Variants in NHSL1 observed in about 807,000 individuals in gnomAD.
NHSL1 encodes NHS like 1, also known as NHS-like protein 1.
NHSL1 carries 48 observed loss-of-function variants against 95.0 expected under a neutral mutation model. The observed-to-expected ratio is 0.51, with a 90% CI of 0.40 to 0.64. The LOEUF is 0.64. Among genes scored for constraint, NHSL1 ranks in the 30% least tolerant of loss-of-function variants. The pLI is 0.00. For missense variants in NHSL1, 1,971 were observed against 2,077.7 expected, an observed-to-expected ratio of 0.95 and a Z score of 1.00; for synonymous variants, 783 against 833.9, an observed-to-expected ratio of 0.94 and a Z score of 1.05.
rs370888768 is a variant in NHSL1, at chr6:138,670,665, CAAAAAAAA to C, written c.96+21803_96+21810del. Among the ~76,000 whole-genome samples the C allele has an allele frequency of 7.5e-4, 52 of 69,362 alleles. 1 individual carries two copies. Among genetic ancestry groups the C allele is most frequent in the Middle Eastern group, 8.6e-3 (1 of 116 alleles). The allele number at this position is 69,362 out of a possible 152,430, so 45.5% of individuals were successfully genotyped here. ...TGGGCGACAAAGCGAGACTCCGTCT[CAAAAAAAA>C]AAAAAAAAAAAAACTTTAAAAACTC... On this transcript the variant is annotated intron_variant, in intron 1 of 3. Coordinates refer to the NHSL1 transcript ENST00000491526.
intron 1 of NHSL1, among the ~76,000 whole-genome samples, chr6:138,570,436 A>T (rs1172364436): frequency 2.0e-5 from 3 of 152,246 alleles, no homozygotes; most frequent in African/African-American, 7.2e-5. Flanking sequence ...GCCAGAAAGC[A>T]CAAATGCCTT....
intron 3 of NHSL1, chr6:138,464,168 C>A: frequency 1.6e-6 from 1 of 632,232 alleles, no homozygotes; most frequent in Non-Finnish European, 2.7e-6. Context: ...GGAAGCAGTA[C>A]AGTTATACCT....
intron 1 of NHSL1, chr6:138,512,293 G>T (rs552540405): frequency 2.2e-6 from 1 of 455,404 alleles, no homozygotes; most frequent in Non-Finnish European, 4.4e-6. Context: ...TGCACCCCAC[G>T]GGAAAGAGGA....
At chr6:138,473,859 T>C (rs1583253551) in intron 2 of NHSL1, among the ~76,000 whole-genome samples, 1 of 152,094 alleles carries the variant, frequency 6.6e-6, no homozygotes, top group African/African-American at 2.4e-5. Flanking sequence ...AAAAAAGTGA[T>C]GCTAATGCTA....
rs562961274 is a variant in NHSL1 at position 138,635,782 on chromosome 6, C to CA, written c.96+56693dup. 8.6e-5 allele frequency among the ~76,000 whole-genome samples: 13 copies of CA among 151,818 alleles called. No individual in the cohort carries two copies. The East Asian group carries it at 2.3e-3, about 27-fold the overall frequency. ...ACAATATCTCTGAAGAATATTGATGCAAAAATGCTAAATAAAATACTAGCA... is the reference window on the plus strand; with the variant it reads ...ACAATATCTCTGAAGAATATTGATGCAAAAAATGCTAAATAAAATACTAGCA... On this transcript the variant is annotated intron_variant, in intron 1 of 3. Coordinates refer to the NHSL1 transcript ENST00000491526.
At chr6:138,511,638 GA>G (rs1781235523) in intron 1 of NHSL1, among the ~76,000 whole-genome samples, 1 of 151,974 alleles carries the variant, frequency 6.6e-6, no homozygotes, top group African/African-American at 2.4e-5. Context: ...CTGGAACTAG[GA>G]AAAGAAAAAT....
intron 1 of NHSL1, among the ~76,000 whole-genome samples, chr6:138,505,914 A>G (rs1780940191): frequency 6.6e-6 from 1 of 152,200 alleles, no homozygotes; most frequent in Non-Finnish European, 1.5e-5. Flanking sequence ...AATCAAGTTT[A>G]ACATCTAGCA....
chr6:138,509,200 C>G (rs746199223), intron 1 of NHSL1, among the ~76,000 whole-genome samples: 9 of 152,142 alleles, frequency 5.9e-5, no homozygotes, highest in Non-Finnish European at 1.3e-4. Context: ...TTAACATAAT[C>G]ATACATTTAC....
chr6:138,558,124 T>G (rs184727100), intron 1 of NHSL1, among the ~76,000 whole-genome samples: 8 of 152,140 alleles, frequency 5.3e-5, no homozygotes, highest in South Asian at 2.1e-4. Flanking sequence ...CAGGGTTTTT[T>G]GGGGGGCTTT....
At chr6:138,477,749 G>A (rs747941735) in intron 2 of NHSL1, among the ~76,000 whole-genome samples, 10 of 152,112 alleles carry the variant, frequency 6.6e-5, no homozygotes, top group Non-Finnish European at 1.3e-4. Context: ...TCAAAAGGAC[G>A]TTTCCCTGGG....
intron 1 of NHSL1, among the ~76,000 whole-genome samples, chr6:138,670,369 G>A (rs1249507372): frequency 1.4e-5 from 2 of 139,754 alleles, no homozygotes; most frequent in Non-Finnish European, 3.0e-5. Flanking sequence ...ACCGTTGAAG[G>A]TAAAAAAAAA....
intron 1 of NHSL1, among the ~76,000 whole-genome samples, chr6:138,514,318 A>AAAACAAACAAACAAAC (rs59958557): frequency 4.0e-5 from 6 of 149,698 alleles, no homozygotes; most frequent in African/African-American, 9.9e-5. Context: ...ACTCCATCTC[A>AAAACAAACAAACAAAC]AAACAAACAA....
chr6:138,608,293 CCAA>C (rs1562390260), intron 1 of NHSL1, among the ~76,000 whole-genome samples: 2 of 152,164 alleles, frequency 1.3e-5, no homozygotes, highest in South Asian at 2.1e-4. Context: ...AAGTCAGTTT[CCAA>C]CGAGATAGCC....
Position 138,424,862 on chromosome 6 carries a change from AC to A in NHSL1, c.4086-47del. 1 of 1,478,178 alleles carries A rather than the reference AC, an allele frequency of 6.8e-7. No homozygotes were observed. The highest frequency in any genetic ancestry group is 9.1e-7 in the Non-Finnish European group (1 of 1,095,586). 91.6% of individuals were successfully genotyped at this position (1,478,178 alleles called of 1,614,324 possible). ...GAAAAAGGTTAATTCCCACGGGACC[AC>A]AGGCTGTCAGCCACAACCACTCTGC... On this transcript the variant is annotated intron_variant, in intron 7 of 7. Coordinates refer to ENST00000343505, the MANE Select transcript of NHSL1 (RefSeq NM_001144060.2). This position sits in a 1 kb window ranked among gnomAD's most constrained non-coding sequence, Gnocchi z 5.9.
At chr6:138,619,905 G>A (rs1784630873) in intron 1 of NHSL1, among the ~76,000 whole-genome samples, 1 of 140,628 alleles carries the variant, frequency 7.1e-6, no homozygotes, top group Non-Finnish European at 1.5e-5. Context: ...CTGAGATCGT[G>A]CCACTGCACT....
chr6:138,591,495 C>A (rs1583437950), intron 1 of NHSL1, among the ~76,000 whole-genome samples: 1 of 152,268 alleles, frequency 6.6e-6, no homozygotes, highest in Middle Eastern at 3.4e-3. Flanking sequence ...CAGCTCACTG[C>A]AGCCTCCACC....
At chr6:138,632,485 G>A (rs770388259) in intron 1 of NHSL1, among the ~76,000 whole-genome samples, 1 of 152,214 alleles carries the variant, frequency 6.6e-6, no homozygotes, top group Non-Finnish European at 1.5e-5. Context: ...AAGGGGTGCT[G>A]TGTCACTCCA....
chr6:138,431,777 C>A lies in NHSL1; in HGVS notation c.2568G>T (p.Ser856=). 1 of 1,551,682 alleles carries A rather than the reference C, an allele frequency of 6.4e-7. No individual in the cohort carries two copies. The highest frequency in any genetic ancestry group is 8.7e-7 in the Non-Finnish European group (1 of 1,146,950). Residue 856 remains serine, a synonymous_variant, in exon 6 of 8, where the codon TCG becomes TCT. Coordinates refer to ENST00000343505, the MANE Select transcript of NHSL1 (RefSeq NM_001144060.2). This position sits in a 1 kb window ranked among gnomAD's most constrained non-coding sequence, Gnocchi z 4.0. ...ISPSSGYSSQ[S]NTPTALTPVP... The stretch of plus-strand genomic sequence containing the variant: ...CAGGGGTGAGTGCTGTGGGTGTATT[C>A]GACTGGCTGGAATACCCACTGGATG...
chr6:138,641,066 G>A (rs1245001669), intron 1 of NHSL1, among the ~76,000 whole-genome samples: 3 of 152,200 alleles, frequency 2.0e-5, no homozygotes, highest in African/African-American at 7.2e-5. Context: ...GAAGATTCTT[G>A]CCCCCCTTAG....
Sources: allele counts gnomAD v4.1 joint callset (sites outside exome capture counted in the v4.1 genomes callset), GRCh38; gene constraint gnomAD v4.1.1; non-coding constraint Gnocchi (gnomAD v3.1); transcripts MANE v1.5; gene names NCBI Gene and HGNC (gene_info 2026-07-23, HGNC 2026-07-21).